The following ZNF880 variants were observed in gnomAD, a reference collection of about 807,000 sequenced individuals.
ZNF880 encodes zinc finger protein LOC400713.
ZNF880 carries 12 observed loss-of-function variants against 11.8 expected under a neutral mutation model. The ratio of observed to expected loss-of-function variants is 1.02; its 90% CI spans 0.65 to 1.65. The LOEUF (loss-of-function observed/expected upper bound fraction) is 1.65. Ranked by LOEUF, ZNF880 falls within the 40% of genes most tolerant of loss-of-function variation. ZNF880 has a pLI of 0.00. For missense variants in ZNF880, 601 were observed against 673.9 expected, an observed-to-expected ratio of 0.89 and a Z score of 1.20; for synonymous variants, 210 against 232.4, an observed-to-expected ratio of 0.90 and a Z score of 0.88.
chr19:52,369,769 G>A (rs1053998904), upstream of ZNF880: 26 of 627,422 alleles, frequency 4.1e-5, no homozygotes, highest in Non-Finnish European at 6.5e-5. Flanking sequence ...CCTCTGCCGG[G>A]ACACAATCTA....
At chr19:52,371,341 T>A (rs1195633194) in intron 1 of ZNF880, among the ~76,000 whole-genome samples, 1 of 152,008 alleles carries the variant, frequency 6.6e-6, no homozygotes, top group Non-Finnish European at 1.5e-5. Context: ...GATCTGTTAT[T>A]GTTTGATGTT....
At chr19:52,391,860 G>A in the ZNF880 span, among the ~76,000 whole-genome samples, 1 of 149,966 alleles carries the variant, frequency 6.7e-6, no homozygotes, top group East Asian at 2.0e-4. Context: ...TAAGATAGGA[G>A]GAAAAACCAA....
intron 3 of ZNF880, among the ~76,000 whole-genome samples, chr19:52,383,198 T>C (rs1473254246): frequency 6.6e-6 from 1 of 152,210 alleles, no homozygotes; most frequent in Admixed American, 6.5e-5. Flanking sequence ...TATTTAGTTA[T>C]CTGTCTCTGT....
downstream of ZNF880, chr19:52,389,786 C>T (rs1027566755): frequency 1.2e-4 from 18 of 152,302 alleles, no homozygotes; most frequent in Middle Eastern, 3.1e-3. Flanking sequence ...GGGCTCCGCC[C>T]CTGCAGCTCA....
At chr19:52,387,522 C>T (rs1986916507), downstream of ZNF880, among the ~76,000 whole-genome samples, 1 of 139,174 alleles carries the variant, frequency 7.2e-6, no homozygotes, top group South Asian at 2.2e-4. Flanking sequence ...AATCTCGGCT[C>T]ACTGCAACCT....
downstream of ZNF880, among the ~76,000 whole-genome samples, chr19:52,387,865 C>G (rs1161465073): frequency 4.6e-5 from 6 of 130,750 alleles, no homozygotes; most frequent in South Asian, 1.2e-3. Flanking sequence ...TGCTCAGTGA[C>G]GTAAGTGGAA....
Position 52,374,375 on chromosome 19 carries a change from G to A in ZNF880, c.216G>A (p.Val72=). ...ATCCCCGGAATCTGCAGAGTGAAGT[G>A]AAAATAGCAAACAATCCAGGTGGCA... ...RRDPRNLQSE[V]KIANNPGGRE... is the part of the protein sequence containing the mutation. Residue 72 remains valine, a synonymous_variant, in exon 3 of 4, where the codon GTG becomes GTA. Coordinates refer to ENST00000422689, the MANE Select transcript of ZNF880 (RefSeq NM_001145434.2). 6.2e-7 allele frequency: 1 copy of A among 1,613,252 alleles called. No homozygotes were observed. The highest frequency in any genetic ancestry group is 8.5e-7 in the Non-Finnish European group (1 of 1,179,646).
At chr19:52,382,323 G>A (rs927794425) in intron 3 of ZNF880, among the ~76,000 whole-genome samples, 1 of 151,976 alleles carries the variant, frequency 6.6e-6, no homozygotes, top group Non-Finnish European at 1.5e-5. Flanking sequence ...AAAGAAAAGA[G>A]TAATAATAAA....
chr19:52,385,429 G>A lies in ZNF880; in HGVS notation c.*115G>A. 8.2e-7 allele frequency: 1 copy of A among 1,212,948 alleles called. No homozygotes were observed. Among genetic ancestry groups the A allele is most frequent in the Non-Finnish European group, 1.1e-6 (1 of 881,306 alleles). 75.1% of individuals were successfully genotyped at this position (1,212,948 alleles called of 1,614,324 possible). On this transcript the variant is annotated 3_prime_UTR_variant, in exon 4 of 4. Coordinates refer to ENST00000422689, the MANE Select transcript of ZNF880 (RefSeq NM_001145434.2). Reference sequence around the variant, plus strand: ...GGCAAACTCTTCATGCTAAGTTCTAGCATTAATCAACATCAGAGATTCCAT... The same window carrying A: ...GGCAAACTCTTCATGCTAAGTTCTAACATTAATCAACATCAGAGATTCCAT...
chr19:52,378,561 C>T (rs983554811), intron 3 of ZNF880, among the ~76,000 whole-genome samples: 2 of 148,554 alleles, frequency 1.3e-5, no homozygotes, highest in African/African-American at 2.5e-5. Flanking sequence ...GCAGGAGAAT[C>T]GCTTCAACCC....
At chr19:52,382,694 G>A (rs898626025) in intron 3 of ZNF880, among the ~76,000 whole-genome samples, 1 of 152,068 alleles carries the variant, frequency 6.6e-6, no homozygotes, top group African/African-American at 2.4e-5. Flanking sequence ...TTTTGTTGCT[G>A]CTATCAAGAC....
chr19:52,369,889 G>A (rs1018792108), upstream of ZNF880: 6 of 1,543,726 alleles, frequency 3.9e-6, no homozygotes, highest in African/African-American at 6.9e-5. Context: ...TCCCACCCGG[G>A]CCTGGCCTCG....
intron 3 of ZNF880, among the ~76,000 whole-genome samples, chr19:52,376,698 C>T (rs10423030): frequency 0.17 from 25,651 of 151,604 alleles, 2,808 homozygotes; most frequent in African/African-American, 0.31. Flanking sequence ...TTAGTAGAGA[C>T]GGGGTTTCAT....
In ZNF880 at chr19:52,374,258, T is replaced by A. The variant is rs777679593; in HGVS notation, c.140-41T>A. 7 of 1,557,524 alleles carry A rather than the reference T, an allele frequency of 4.5e-6. No individual in the cohort carries two copies. The South Asian group carries it at 8.2e-5, about 18-fold the overall frequency. On this transcript the variant is annotated intron_variant, in intron 2 of 3. Transcript: ENST00000422689. The stretch of plus-strand genomic sequence containing the variant: ...TTAGTAGAGATGGGGTTTCACCGTG[T>A]TAGCCAGGATAGTCTTGATATTCTT...
chr19:52,373,076 G>C, intron 1 of ZNF880, 35 bp from the exon 2 acceptor site: 2 of 1,609,166 alleles, frequency 1.2e-6, no homozygotes, highest in Non-Finnish European at 1.7e-6. Flanking sequence ...CATTTTGTGT[G>C]ATATCCTGTT....
At chr19:52,377,881 T>A (rs888060518) in intron 3 of ZNF880, among the ~76,000 whole-genome samples, 1 of 152,146 alleles carries the variant, frequency 6.6e-6, no homozygotes, top group Non-Finnish European at 1.5e-5. Flanking sequence ...AGAGTCTTGC[T>A]CTGTCACAGG....
chr19:52,386,989 G>A (rs1986903843), downstream of ZNF880, among the ~76,000 whole-genome samples: 1 of 142,420 alleles, frequency 7.0e-6, no homozygotes, highest in Admixed American at 6.9e-5. Flanking sequence ...ATTTTCCTAA[G>A]TATGAATGAA....
At chr19:52,383,746 C>A in intron 3 of ZNF880, 103 bp from the exon 4 acceptor site, 1 of 1,214,910 alleles carries the variant, frequency 8.2e-7, no homozygotes, top group South Asian at 1.6e-5. Flanking sequence ...GCTGATATTC[C>A]TTCCCATGTC....
intron 1 of ZNF880, among the ~76,000 whole-genome samples, chr19:52,370,904 A>G (rs1281417653): frequency 1.3e-5 from 2 of 152,246 alleles, no homozygotes; most frequent in South Asian, 4.1e-4. Flanking sequence ...AAGCCACTGC[A>G]CTGCAACCTG....
Sources: gnomAD v4.1 joint callset for allele counts (sites outside exome capture counted in the v4.1 genomes callset) on GRCh38, gnomAD v4.1.1 for gene constraint, MANE v1.5 for transcripts, NCBI Gene and HGNC (gene_info 2026-07-23, HGNC 2026-07-21) for gene names.